The following ZNF880 variants were observed in gnomAD, a reference collection of about 807,000 sequenced individuals.
ZNF880 encodes zinc finger protein 880.
Under a neutral mutation model 11.8 loss-of-function variants are expected in ZNF880, and 12 were observed. The observed-to-expected ratio is 1.02, with a 90% CI of 0.65 to 1.65. ZNF880 has a LOEUF of 1.65. Among genes scored for constraint, ZNF880 ranks in the 40% most tolerant of loss-of-function variants. The pLI is 0.00. For missense variants in ZNF880, 601 were observed against 673.9 expected (o/e 0.89, Z 1.20); for synonymous variants, 210 against 232.4 (o/e 0.90, Z 0.88).
chr19:52,367,792 T>A (rs570321981), upstream of ZNF880: 1 of 152,298 alleles, frequency 6.6e-6, no homozygotes, highest in East Asian at 1.9e-4. Context: ...TGTTTCTACA[T>A]GCCTCTTTCT....
intron 3 of ZNF880, among the ~76,000 whole-genome samples, chr19:52,375,426 A>T (rs1986525078): frequency 6.6e-6 from 1 of 151,888 alleles, no homozygotes; most frequent in Admixed American, 6.6e-5. Flanking sequence ...TCCTGGCCTC[A>T]AGTGATCCAC....
In ZNF880 at chr19:52,373,240, G is replaced by A; in HGVS notation, c.139+3G>A. The A allele has an allele frequency of 6.2e-7, 1 of 1,611,130 alleles. No individual in the cohort carries two copies. The highest frequency in any genetic ancestry group is 8.5e-7 in the Non-Finnish European group (1 of 1,178,456). On this transcript the variant is annotated splice_donor_region_variant and intron_variant, in intron 2 of 3. Transcript: ENST00000422689. ...CTACAGGAACCTGGTCTTTCTGGGT[G>A]AGGATAATGTCCCTTCAGAAGTCAA...
At chr19:52,388,872 G>GCT, downstream of ZNF880, 1 of 152,330 alleles carries the variant, frequency 6.6e-6, no homozygotes, top group Admixed American at 6.5e-5. Context: ...TGGACTCACA[G>GCT]TTTCACACGG....
At chr19:52,374,198 C>A (rs1191794220) in intron 2 of ZNF880, 101 bp from the exon 3 acceptor site, 1 of 1,088,598 alleles carries the variant, frequency 9.2e-7, no homozygotes, top group Non-Finnish European at 1.3e-6. Context: ...GCACCCGCCA[C>A]CACGCCCCGC....
chr19:52,369,814 C>T, upstream of ZNF880: 1 of 858,858 alleles, frequency 1.2e-6, no homozygotes, highest in East Asian at 2.7e-5. Flanking sequence ...GTCTCCACGG[C>T]AGGTCTAGCC....
At chr19:52,375,338 C>T (rs769955038) in intron 3 of ZNF880, among the ~76,000 whole-genome samples, 1 of 151,604 alleles carries the variant, frequency 6.6e-6, no homozygotes, top group Admixed American at 6.6e-5. Context: ...AGGCGTGCAC[C>T]ACCAAGCCTG....
the ZNF880 span, among the ~76,000 whole-genome samples, chr19:52,391,983 C>T: frequency 2.0e-5 from 3 of 152,162 alleles, no homozygotes; most frequent in African/African-American, 7.2e-5. Flanking sequence ...TATTTTTCAT[C>T]AGATAAAAAC....
upstream of ZNF880, chr19:52,367,250 A>T (rs1302296244): frequency 6.5e-6 from 1 of 153,248 alleles, no homozygotes; most frequent in Non-Finnish European, 1.4e-5. Flanking sequence ...CAGCCTCCTG[A>T]GTAGCTGGGA....
chr19:52,373,665 TGTA>T (rs200998049), intron 2 of ZNF880, among the ~76,000 whole-genome samples: 3,198 of 143,924 alleles, frequency 0.022, 144 homozygotes, highest in African/African-American at 0.079. Context: ...TGTGAAATAC[TGTA>T]ATTTTTTTTT....
chr19:52,378,426 G>A (rs1211127514), intron 3 of ZNF880, among the ~76,000 whole-genome samples: 1 of 151,644 alleles, frequency 6.6e-6, no homozygotes, highest in East Asian at 2.0e-4. Context: ...AGGCGGATCA[G>A]AAAGTCAGGG....
intron 3 of ZNF880, among the ~76,000 whole-genome samples, chr19:52,375,196 TA>T (rs1353002595): frequency 1.3e-5 from 2 of 151,564 alleles, no homozygotes; most frequent in Non-Finnish European, 2.9e-5. Context: ...TTTATTAATT[TA>T]TTTTTTTGAG....
At chr19:52,369,091 G>A (rs1292759681), upstream of ZNF880, among the ~76,000 whole-genome samples, 4 of 151,270 alleles carry the variant, frequency 2.6e-5, no homozygotes, top group Admixed American at 6.6e-5. Context: ...GGCCGGGTGC[G>A]GTGGCTCACG....
In ZNF880 at chr19:52,385,220, C is replaced by T. The variant is rs528378258; in HGVS notation, c.1640C>T (p.Pro547Leu). Residue 547 changes from proline (P) to leucine (L), a missense_variant, in exon 4 of 4, where the codon CCG becomes CTG. Pro to Leu is a moderately conservative substitution (Grantham distance 98). Transcript: ENST00000422689. ...KHERIHTGEK[P>L]YRCHECGKDF... ...GAGAGAATTCATACTGGGGAGAAAC[C>T]GTACAGATGTCATGAATGTGGTAAG... is the stretch of plus-strand genomic sequence containing the variant. 6.8e-5 allele frequency: 106 copies of T among 1,551,860 alleles called. 1 individual carries two copies. In the South Asian group the frequency reaches 7.3e-4, roughly 11 times the overall value.
At chr19:52,381,208 C>T (rs544758941) in intron 3 of ZNF880, among the ~76,000 whole-genome samples, 1 of 152,134 alleles carries the variant, frequency 6.6e-6, no homozygotes, top group Non-Finnish European at 1.5e-5. Context: ...CCTCAGCCTC[C>T]CAAAGGGCTG....
At chr19:52,373,837 A>AT in intron 2 of ZNF880, among the ~76,000 whole-genome samples, 1 of 151,178 alleles carries the variant, frequency 6.6e-6, no homozygotes, top group East Asian at 2.0e-4. Context: ...CGCCTGGCTA[A>AT]TTTTTGTATT....
downstream of ZNF880, among the ~76,000 whole-genome samples, chr19:52,386,802 CAA>C (rs71180452): frequency 2.4e-3 from 190 of 79,902 alleles, 5 homozygotes; most frequent in Admixed American, 4.9e-3. Context: ...AACTCTGTCT[CAA>C]AAAAAAAAAA....
the ZNF880 span, chr19:52,391,448 T>A: frequency 2.1e-5 from 3 of 142,934 alleles, no homozygotes; most frequent in African/African-American, 7.9e-5. Context: ...AGAGAAGGAA[T>A]AGAGGGAAGA....
rs139725674 is a variant in ZNF880, at chr19:52,378,685, T to A, written c.268+4258T>A. Among the ~76,000 whole-genome samples, 636 of 150,680 alleles carry A rather than the reference T, an allele frequency of 4.2e-3. 10 individuals carry two copies. The East Asian group carries it at 0.064, about 15-fold the overall frequency. ...AAAAAAAGAAAGATCCTTTATTGGA[T>A]GCCCGAGTCCTCGTGACAGAATAGC... On this transcript the variant is annotated intron_variant, in intron 3 of 3. Transcript: ENST00000422689.
Position 52,385,365 on chromosome 19 carries a change from G to C in ZNF880, c.*51G>C. ...ATAATTCACACCTTGCACAGCATGA[G>C]ATAATTCATTCATGAGAGAGTTCTT... On this transcript the variant is annotated 3_prime_UTR_variant, in exon 4 of 4. Transcript: ENST00000422689. 1 of 1,524,004 alleles carries C rather than the reference G, an allele frequency of 6.6e-7. No individual in the cohort carries two copies. Among genetic ancestry groups the C allele is most frequent in the Non-Finnish European group, 8.9e-7 (1 of 1,128,452 alleles). The allele number at this position is 1,524,004 out of a possible 1,614,324, so 94.4% of individuals were successfully genotyped here.
Sources: allele counts gnomAD v4.1 joint callset (sites outside exome capture counted in the v4.1 genomes callset), GRCh38; gene constraint gnomAD v4.1.1; transcripts MANE v1.5; gene names NCBI Gene and HGNC (gene_info 2026-07-23, HGNC 2026-07-21).